Variants in CCNT2 observed in about 807,000 individuals in gnomAD.
CCNT2 encodes the protein cyclin T2.
Under a neutral mutation model 70.0 loss-of-function variants are expected in CCNT2, and 18 were observed. The ratio of observed to expected loss-of-function variants is 0.26; its 90% CI spans 0.18 to 0.38. The LOEUF (loss-of-function observed/expected upper bound fraction) is 0.38, where lower values mean the gene tolerates loss of function less well. CCNT2 is among the 10% of genes least tolerant of loss of function. CCNT2 has a pLI of 1.00. For missense variants in CCNT2, 734 were observed against 890.2 expected (o/e 0.82, Z 2.23); for synonymous variants, 334 against 313.3 (o/e 1.07, Z -0.70).
At chr2:134,928,775 G>A (rs72844174) in intron 2 of CCNT2, among the ~76,000 whole-genome samples, 16 of 152,108 alleles carry the variant, frequency 1.1e-4, no homozygotes, top group East Asian at 5.8e-4. Flanking sequence ...GCCAAAAATC[G>A]GAAGATAATG....
In CCNT2 at chr2:134,943,454, C is replaced by A. The variant is rs536527421; in HGVS notation, c.493+780C>A. On this transcript the variant is annotated intron_variant, in intron 5 of 8. Transcript: ENST00000264157. ...AGTGTTTTGCCCATATTCATTTGGG[C>A]AATCTAAAATTGATTTAATGTATTT... 42 of 985,140 alleles carry A rather than the reference C, an allele frequency of 4.3e-5. No individual in the cohort carries two copies. The African/African-American group carries it at 6.3e-4, about 15-fold the overall frequency. 61.0% of individuals were successfully genotyped at this position (985,140 alleles called of 1,614,324 possible). A position where few individuals can be genotyped will look rare whatever the true frequency, so the allele number is the denominator to read the frequency against.
chr2:134,929,369 CAG>C (rs1278306100), intron 2 of CCNT2, among the ~76,000 whole-genome samples: 1 of 151,940 alleles, frequency 6.6e-6, no homozygotes, highest in African/African-American at 2.4e-5. Flanking sequence ...CTTTGGGAGA[CAG>C]AGGTGGGAGG....
intron 2 of CCNT2, among the ~76,000 whole-genome samples, chr2:134,930,413 C>T (rs1345008866): frequency 6.6e-6 from 1 of 152,152 alleles, no homozygotes; most frequent in Non-Finnish European, 1.5e-5. Context: ...GTTGATTACA[C>T]TTAACAGCCA....
At chr2:134,923,215 A>G (rs1680042900) in intron 2 of CCNT2, among the ~76,000 whole-genome samples, 1 of 152,174 alleles carries the variant, frequency 6.6e-6, no homozygotes, top group Admixed American at 6.6e-5. Flanking sequence ...TGAGAGGTGG[A>G]GGTTGCAGTG....
At chr2:134,927,297 G>T (rs982009835) in intron 2 of CCNT2, among the ~76,000 whole-genome samples, 2 of 152,024 alleles carry the variant, frequency 1.3e-5, no homozygotes. Flanking sequence ...TTCCTGAAGC[G>T]GCTTAAAATT....
At chr2:134,935,898 G>C (rs561097708) in intron 2 of CCNT2, among the ~76,000 whole-genome samples, 1 of 152,124 alleles carries the variant, frequency 6.6e-6, no homozygotes, top group South Asian at 2.1e-4. Context: ...TGGTGGTGTA[G>C]CTGCTTTCAT....
In CCNT2 at chr2:134,953,925, T is replaced by C. The variant is rs1682729015; in HGVS notation, c.1470T>C (p.Asn490=). The C allele has an allele frequency of 3.1e-6, 5 of 1,613,744 alleles. No homozygotes were observed. The highest frequency in any genetic ancestry group is 4.2e-6 in the Non-Finnish European group (5 of 1,179,904). ...TTAAAATGAAAATACCTATCGCAAA[T>C]ACTGAAAAATACATGGCAGACAAAA... ...SPIKMKIPIA[N]TEKYMADKKE... is the part of the protein sequence containing the mutation. Residue 490 remains asparagine, a synonymous_variant, in exon 9 of 9, where the codon AAT becomes AAC. Transcript: ENST00000264157.
Position 134,954,513 on chromosome 2 carries a change from A to T in CCNT2, c.2058A>T (p.Lys686Asn). The T allele has an allele frequency of 6.2e-7, 1 of 1,614,186 alleles. No individual in the cohort carries two copies. Among genetic ancestry groups the T allele is most frequent in the Non-Finnish European group, 8.5e-7 (1 of 1,180,022 alleles). The stretch of plus-strand genomic sequence containing the variant: ...ACGGACATCTCAGCACCCTCGTGAA[A>T]CTGGACAAGAAGCCAGTGGAGACCA... ...VGYGHLSTLV[K>N]LDKKPVETNG... Residue 686 changes from lysine to asparagine, a missense_variant, in exon 9 of 9, where the codon AAA becomes AAT. Physicochemically the swap from Lys to Asn is moderately conservative, Grantham distance 94. This residue lies in a region of CCNT2 where 532 missense variants were observed against 556.9 expected (regional missense o/e 0.96). Coordinates refer to ENST00000264157, the MANE Select transcript of CCNT2 (RefSeq NM_058241.3).
intron 2 of CCNT2, among the ~76,000 whole-genome samples, chr2:134,926,758 A>G (rs945113476): frequency 6.6e-6 from 1 of 152,200 alleles, no homozygotes; most frequent in African/African-American, 2.4e-5. Context: ...CGTATGTGTT[A>G]GGAATTCCCT....
chr2:134,943,195 G>A, intron 5 of CCNT2: 7 of 632,706 alleles, frequency 1.1e-5, no homozygotes, highest in Non-Finnish European at 1.4e-5. Context: ...GAGCTCAGGA[G>A]TTCGAGACCA....
At chr2:134,938,876 C>T (rs1681356336) in intron 3 of CCNT2, 126 bp from the exon 4 acceptor site, 1 of 572,894 alleles carries the variant, frequency 1.7e-6, no homozygotes, top group African/African-American at 1.9e-5. Context: ...AGTTTATTTT[C>T]TCCATATTTT....
intron 5 of CCNT2, chr2:134,945,037 A>T: frequency 2.0e-6 from 2 of 985,344 alleles, no homozygotes; most frequent in Non-Finnish European, 2.4e-6. Flanking sequence ...TTTTACAGGG[A>T]CCTTCACTTC....
At chr2:134,928,127 C>A (rs1387802107) in intron 2 of CCNT2, among the ~76,000 whole-genome samples, 1 of 152,066 alleles carries the variant, frequency 6.6e-6, no homozygotes, top group Non-Finnish European at 1.5e-5. Context: ...TGTGCCACCA[C>A]ACCTGGCTAA....
chr2:134,924,572 C>G (rs1468435986), intron 2 of CCNT2, among the ~76,000 whole-genome samples: 1 of 152,132 alleles, frequency 6.6e-6, no homozygotes, highest in Non-Finnish European at 1.5e-5. Flanking sequence ...GCCTTAGCCT[C>G]CTGGGTAGCT....
At chr2:134,943,356 A>G in intron 5 of CCNT2, 1 of 803,004 alleles carries the variant, frequency 1.2e-6, no homozygotes, top group Non-Finnish European at 1.5e-6. Context: ...AGCCCAGATC[A>G]TGCCCCTGCA....
chr2:134,950,816 A>G (rs1018613354), intron 7 of CCNT2, among the ~76,000 whole-genome samples: 5 of 152,218 alleles, frequency 3.3e-5, no homozygotes, highest in African/African-American at 1.2e-4. Context: ...TTTTGTGCAT[A>G]TAGCTAATTA....
At chr2:134,946,049 G>T in intron 5 of CCNT2, 52 bp from the exon 6 acceptor site, 3 of 1,606,478 alleles carry the variant, frequency 1.9e-6, no homozygotes, top group Non-Finnish European at 2.5e-6. Flanking sequence ...CTTTTTGATT[G>T]TAGCACGTTA....
intron 5 of CCNT2, chr2:134,943,769 T>C: frequency 1.0e-6 from 1 of 985,244 alleles, no homozygotes. Context: ...ATTTCAAGTG[T>C]TAATGTATTC....
rs528588155 is a variant in CCNT2 at position 134,954,841 on chromosome 2, T to C, written c.*193T>C. 1.6e-5 allele frequency: 9 copies of C among 552,968 alleles called. No homozygotes were observed. The South Asian group carries it at 1.8e-4, about 11-fold the overall frequency. 34.3% of individuals were successfully genotyped at this position (552,968 alleles called of 1,614,324 possible). A position where few individuals can be genotyped will look rare whatever the true frequency, so the allele number is the denominator to read the frequency against. On this transcript the variant is annotated 3_prime_UTR_variant, in exon 9 of 9. Transcript: ENST00000264157. Reference sequence around the variant, plus strand: ...AAGTCTTTATCTCCACATATGATAGTGTTATAAATACTGTAAAAGCATGGA... The same window carrying C: ...AAGTCTTTATCTCCACATATGATAGCGTTATAAATACTGTAAAAGCATGGA...
Sources: allele counts gnomAD v4.1 joint callset (sites outside exome capture counted in the v4.1 genomes callset), GRCh38; gene constraint gnomAD v4.1.1; regional missense constraint gnomAD v4.1.1; transcripts MANE v1.5; gene names NCBI Gene and HGNC (gene_info 2026-07-23, HGNC 2026-07-21).